ELF1: variants seen among roughly 807,000 people sequenced by gnomAD.
The protein encoded by ELF1 is ETS-related transcription factor Elf-1.
In ELF1, 24 loss-of-function variants were observed where a neutral mutation model predicts 59.9. That is an observed-to-expected ratio of 0.40 (90% CI 0.29 to 0.56). ELF1 has a LOEUF of 0.56. ELF1 is among the 20% of genes least tolerant of loss of function. The pLI is 0.44. For synonymous variants in ELF1, 248 were observed against 266.2 expected, an observed-to-expected ratio of 0.93 and a Z score of 0.67; for missense variants, 627 against 742.2, an observed-to-expected ratio of 0.84 and a Z score of 1.80.
At chr13:41,059,156 G>C (rs1318096471) in intron 1 of ELF1, among the ~76,000 whole-genome samples, 2 of 152,254 alleles carry the variant, frequency 1.3e-5, no homozygotes, top group African/African-American at 4.8e-5. Context: ...TATCTATTCA[G>C]GAATCGCTCA....
intron 2 of ELF1, among the ~76,000 whole-genome samples, chr13:40,975,186 C>A (rs892765348): frequency 6.6e-6 from 1 of 152,168 alleles, no homozygotes; most frequent in African/African-American, 2.4e-5. Flanking sequence ...TCATCACTGG[C>A]GCTGAATAAG....
chr13:40,986,312 C>T (rs893525757), intron 1 of ELF1, among the ~76,000 whole-genome samples: 1 of 152,172 alleles, frequency 6.6e-6, no homozygotes, highest in Non-Finnish European at 1.5e-5. Context: ...AAGTCTCTTC[C>T]TTCTGTAAAA....
At position 40,992,571 on chromosome 13, in the gene ELF1, T is replaced by C. The variant is rs1873911381; in HGVS notation, c.-228-10289A>G. ...AAGAATGAATTTCACATTGCACATA[T>C]GACATATTTAAAAATATTACATTTG... On this transcript the variant is annotated intron_variant, in intron 1 of 8. Transcript: ENST00000239882. Among the ~76,000 whole-genome samples the C allele has an allele frequency of 2.0e-5, 3 of 152,256 alleles. No individual in the cohort carries two copies. The South Asian group carries it at 6.2e-4, about 31-fold the overall frequency.
At chr13:41,045,230 T>TAAA (rs201985057) in intron 1 of ELF1, among the ~76,000 whole-genome samples, 10 of 145,732 alleles carry the variant, frequency 6.9e-5, no homozygotes, top group African/African-American at 2.5e-4. Flanking sequence ...TGTTGATCTT[T>TAAA]AAAAAAAAAA....
chr13:40,937,677 G>A (rs916612225), intron 8 of ELF1, among the ~76,000 whole-genome samples: 7 of 152,242 alleles, frequency 4.6e-5, no homozygotes, highest in Admixed American at 2.6e-4. Context: ...CACCATGTTG[G>A]GAAGGCTGGT....
intron 1 of ELF1, among the ~76,000 whole-genome samples, chr13:41,046,979 C>T (rs553571952): frequency 3.3e-5 from 5 of 152,268 alleles, no homozygotes; most frequent in East Asian, 1.9e-4. Context: ...AGGCTTTGTT[C>T]GTTTCTTTTT....
intron 3 of ELF1, among the ~76,000 whole-genome samples, chr13:40,955,752 C>A (rs1225892529): frequency 4.7e-5 from 6 of 128,734 alleles, no homozygotes; most frequent in African/African-American, 1.8e-4. Context: ...CCCGGCCAGC[C>A]GCCCCGTCCG....
intron 1 of ELF1, among the ~76,000 whole-genome samples, chr13:41,053,210 C>T (rs561288605): frequency 8.6e-5 from 13 of 151,960 alleles, no homozygotes; most frequent in Non-Finnish European, 1.6e-4. Flanking sequence ...AAAAATTAGC[C>T]GGGTATGGTG....
At chr13:40,976,861 T>G (rs939201683) in intron 2 of ELF1, among the ~76,000 whole-genome samples, 2 of 152,104 alleles carry the variant, frequency 1.3e-5, no homozygotes, top group Admixed American at 1.3e-4. Context: ...CTCTTTAACC[T>G]CCAGGAATTA....
At chr13:40,984,423 C>T (rs1453476240) in intron 1 of ELF1, among the ~76,000 whole-genome samples, 1 of 152,042 alleles carries the variant, frequency 6.6e-6, no homozygotes, top group Non-Finnish European at 1.5e-5. Context: ...AATTAGTTGG[C>T]TGTGTTGGTG....
chr13:41,047,583 G>A (rs943524060), intron 1 of ELF1, among the ~76,000 whole-genome samples: 1 of 152,218 alleles, frequency 6.6e-6, no homozygotes, highest in Admixed American at 6.5e-5. Context: ...AGCAGAGGCT[G>A]CAGAACAGAG....
At chr13:41,031,250 T>G (rs1321156056) in intron 1 of ELF1, among the ~76,000 whole-genome samples, 1 of 152,188 alleles carries the variant, frequency 6.6e-6, no homozygotes, top group Admixed American at 6.5e-5. Flanking sequence ...CTGTCAATTT[T>G]GTACAAGTCT....
At chr13:40,949,780 C>T (rs759352759) in intron 5 of ELF1, 26 bp downstream of exon 5, 25 of 1,609,074 alleles carry the variant, frequency 1.6e-5, no homozygotes, top group South Asian at 2.2e-5. Context: ...CTTGACTATG[C>T]GCCCTAAACA....
chr13:41,056,080 TAG>T (rs1191478351), intron 1 of ELF1, among the ~76,000 whole-genome samples: 1 of 152,224 alleles, frequency 6.6e-6, no homozygotes, highest in East Asian at 1.9e-4. Flanking sequence ...AGTGCATTTA[TAG>T]AGTTATAGAA....
intron 1 of ELF1, among the ~76,000 whole-genome samples, chr13:41,033,251 T>A (rs9315802): frequency 6.6e-6 from 1 of 152,184 alleles, no homozygotes. Context: ...AACTCTACTA[T>A]TGACTAGTTT....
chr13:41,044,882 C>G (rs1265843481), intron 1 of ELF1, among the ~76,000 whole-genome samples: 1 of 152,154 alleles, frequency 6.6e-6, no homozygotes, highest in Non-Finnish European at 1.5e-5. Flanking sequence ...CCAGCTCCTC[C>G]TTGTACCTCT....
At chr13:40,991,063 C>A (rs1232762101) in intron 1 of ELF1, among the ~76,000 whole-genome samples, 1 of 152,108 alleles carries the variant, frequency 6.6e-6, no homozygotes, top group African/African-American at 2.4e-5. Flanking sequence ...AAACCAAAAA[C>A]CCATGTCTAG....
intron 1 of ELF1, among the ~76,000 whole-genome samples, chr13:41,002,724 A>G (rs1566186203): frequency 6.6e-6 from 1 of 152,150 alleles, no homozygotes; most frequent in Non-Finnish European, 1.5e-5. Context: ...AGGGTAGGAA[A>G]GCAACAAGTA....
At chr13:41,056,668 T>C (rs1181817594) in intron 1 of ELF1, among the ~76,000 whole-genome samples, 1 of 152,218 alleles carries the variant, frequency 6.6e-6, no homozygotes, top group East Asian at 1.9e-4. Flanking sequence ...TCTCATATGA[T>C]ATCCTTGCCT....
Sources: gnomAD v4.1 joint callset for allele counts (sites outside exome capture counted in the v4.1 genomes callset) on GRCh38, gnomAD v4.1.1 for gene constraint, MANE v1.5 for transcripts, NCBI Gene and HGNC (gene_info 2026-07-23, HGNC 2026-07-21) for gene names.